SRP54: variants seen among roughly 807,000 people sequenced by gnomAD.
The protein encoded by SRP54 is signal recognition particle 54.
SRP54 carries 10 observed loss-of-function variants against 64.8 expected under a neutral mutation model. That is an observed-to-expected ratio of 0.15 (90% CI 0.10 to 0.26). SRP54 has a LOEUF of 0.26. Among genes scored for constraint, SRP54 ranks in the 10% least tolerant of loss-of-function variants. The probability of loss-of-function intolerance (pLI) is 1.00; values close to 1 mark genes in which losing one functional copy is unlikely to be tolerated. For missense variants in SRP54, 325 were observed against 613.7 expected (o/e 0.53, Z 4.97); for synonymous variants, 193 against 185.6 (o/e 1.04, Z -0.32).
chr14:35,025,025 A>T (rs562198153), intron 14 of SRP54, among the ~76,000 whole-genome samples: 3 of 151,860 alleles, frequency 2.0e-5, no homozygotes, highest in Admixed American at 6.6e-5. Context: ...GAGCCACAAC[A>T]CCTGGCTTCT....
chr14:34,993,869 A>G (rs1242984661), intron 1 of SRP54, among the ~76,000 whole-genome samples: 1 of 151,650 alleles, frequency 6.6e-6, no homozygotes, highest in African/African-American at 2.4e-5. Context: ...CTAATTTTGT[A>G]TTTTTAGTAG....
intron 1 of SRP54, among the ~76,000 whole-genome samples, chr14:34,990,411 C>CT (rs936413958): frequency 3.0e-4 from 45 of 151,864 alleles, no homozygotes; most frequent in South Asian, 1.0e-3. Context: ...AGTCATTTTG[C>CT]TTTTTTTTGG....
intron 4 of SRP54, among the ~76,000 whole-genome samples, chr14:35,006,862 T>A (rs1490898978): frequency 6.6e-6 from 1 of 152,206 alleles, no homozygotes; most frequent in Admixed American, 6.5e-5. Context: ...TAATAGCTTA[T>A]GGTAGCTTTT....
Position 35,029,281 on chromosome 14 carries a change from TCTC to T in SRP54, c.*130_*132del, listed in dbSNP as rs368066355. 571 of 565,200 alleles carry T rather than the reference TCTC, an allele frequency of 1.0e-3. 3 individuals are homozygous for T. The African/African-American group carries it at 0.01, about 10-fold the overall frequency. 35.0% of individuals were successfully genotyped at this position (565,200 alleles called of 1,614,324 possible). On this transcript the variant is annotated 3_prime_UTR_variant, in exon 16 of 16. Coordinates refer to ENST00000216774, the MANE Select transcript of SRP54 (RefSeq NM_003136.4). ...CTTATCATGCACTCTTTCCTTTTCT[TCTC>T]GCCCGCTTTTCCCCTCCTTTTCTTT...
intron 7 of SRP54, among the ~76,000 whole-genome samples, 169 bp from the exon 8 acceptor site, chr14:35,011,340 T>C (rs2044354419): frequency 6.6e-6 from 1 of 152,190 alleles, no homozygotes; most frequent in South Asian, 2.1e-4. Context: ...TGCTTCATGC[T>C]TTTTTAGAAG....
intron 10 of SRP54, among the ~76,000 whole-genome samples, chr14:35,014,520 T>A (rs1260326525): frequency 1.3e-5 from 2 of 152,132 alleles, no homozygotes; most frequent in Non-Finnish European, 2.9e-5. Flanking sequence ...CCTCAGGTGA[T>A]CCACCCACCT....
intron 1 of SRP54, among the ~76,000 whole-genome samples, chr14:34,991,019 TA>T: frequency 6.6e-6 from 1 of 152,190 alleles, no homozygotes; most frequent in East Asian, 1.9e-4. Context: ...GGATTTACTG[TA>T]TAAGGCTGAG....
intron 8 of SRP54, 24 bp downstream of exon 8, chr14:35,011,683 T>G: frequency 6.8e-7 from 1 of 1,475,270 alleles, no homozygotes; most frequent in Non-Finnish European, 9.1e-7. Context: ...AATGTAACAC[T>G]ATTATTAGGA....
At chr14:35,019,112 C>T (rs1187077747) in intron 13 of SRP54, 38 bp downstream of exon 13, 1 of 1,396,000 alleles carries the variant, frequency 7.2e-7, no homozygotes, top group Non-Finnish European at 1.0e-6. Context: ...CAAAAATGTT[C>T]TGAGTATCAG....
At chr14:34,992,691 A>G (rs894379390) in intron 1 of SRP54, among the ~76,000 whole-genome samples, 2 of 152,116 alleles carry the variant, frequency 1.3e-5, no homozygotes, top group African/African-American at 4.8e-5. Flanking sequence ...CTTGGGTTCA[A>G]GGTTCAATAT....
chr14:34,998,820 C>T (rs376390290), intron 2 of SRP54, among the ~76,000 whole-genome samples: 140 of 147,906 alleles, frequency 9.5e-4, no homozygotes, highest in Middle Eastern at 6.8e-3. Context: ...AAACTCTGTT[C>T]CAAAAAAAAA....
At chr14:34,993,262 A>G (rs891099791) in intron 1 of SRP54, 1 of 152,242 alleles carries the variant, frequency 6.6e-6, no homozygotes, top group Non-Finnish European at 1.5e-5. Flanking sequence ...CAGTACCACC[A>G]TGGTGAAGGA....
intron 1 of SRP54, among the ~76,000 whole-genome samples, chr14:34,988,597 C>CATATATATATAACAT (rs2043938800): frequency 2.6e-5 from 2 of 77,924 alleles, no homozygotes; most frequent in Non-Finnish European, 3.1e-5. Flanking sequence ...ATATATATAA[C>CATATATATATAACAT]ATATATATAT....
intron 1 of SRP54, among the ~76,000 whole-genome samples, chr14:34,985,676 A>G (rs1207810702): frequency 6.6e-6 from 1 of 152,218 alleles, no homozygotes; most frequent in African/African-American, 2.4e-5. Context: ...TCTTTGGGAC[A>G]TGTTATTAAA....
chr14:35,023,787 AACACACAC>A lies in SRP54; in HGVS notation c.1327+736_1327+743del, dbSNP rs57037784. On this transcript the variant is annotated intron_variant, in intron 14 of 15. Coordinates refer to ENST00000216774, the MANE Select transcript of SRP54 (RefSeq NM_003136.4). ...CAGCAGAGTGAGACTCCGGTCCCCA[AACACACAC>A]ACACACACACACACACACACACACA... Among the ~76,000 whole-genome samples, 66 of 140,368 alleles carry A rather than the reference AACACACAC, an allele frequency of 4.7e-4. 1 individual carries two copies. The highest frequency in any genetic ancestry group is 3.5e-3 in the Middle Eastern group (1 of 282). 92.1% of individuals were successfully genotyped at this position (140,368 alleles called of 152,430 possible).
At chr14:34,988,576 A>ATATATATATATATAT (rs1326467032) in intron 1 of SRP54, among the ~76,000 whole-genome samples, 2 of 83,536 alleles carry the variant, frequency 2.4e-5, no homozygotes, top group African/African-American at 8.1e-5. Flanking sequence ...AAAAAAAAAA[A>ATATATATATATATAT]AAATATATAT....
intron 3 of SRP54, 64 bp downstream of exon 3, chr14:34,999,713 T>G: frequency 8.6e-7 from 1 of 1,158,964 alleles, no homozygotes; most frequent in Non-Finnish European, 1.3e-6. Flanking sequence ...AAAGAGGTGC[T>G]AACTGGAAGT....
intron 8 of SRP54, among the ~76,000 whole-genome samples, chr14:35,011,972 A>G (rs549179354): frequency 8.9e-4 from 135 of 152,308 alleles, no homozygotes; most frequent in African/African-American, 3.2e-3. Context: ...TAATCCCAGC[A>G]CTTTGGGAGG....
At position 35,014,834 on chromosome 14, in the gene SRP54, T is replaced by A. The variant is rs2044412120; in HGVS notation, c.973+4T>A. ...CTTATAGAGAAGTTGAAACATGGTA[T>A]ATGAGTGACAAAAAAGCACTTCATC... On this transcript the variant is annotated splice_donor_region_variant and intron_variant, in intron 11 of 15. Transcript: ENST00000216774. 6.3e-7 allele frequency: 1 copy of A among 1,599,442 alleles called. No homozygotes were observed. Among genetic ancestry groups the A allele is most frequent in the South Asian group, 1.1e-5 (1 of 87,996 alleles).
Sources: allele counts gnomAD v4.1 joint callset (sites outside exome capture counted in the v4.1 genomes callset), GRCh38; gene constraint gnomAD v4.1.1; transcripts MANE v1.5; gene names NCBI Gene and HGNC (gene_info 2026-07-23, HGNC 2026-07-21).